Variants in TENM4 observed in about 807,000 individuals in gnomAD.
TENM4 encodes teneurin transmembrane protein 4, also known as teneurin-4.
TENM4 carries 82 observed loss-of-function variants against 243.3 expected under a neutral mutation model. The ratio of observed to expected loss-of-function variants is 0.34; its 90% CI spans 0.28 to 0.40. The LOEUF (loss-of-function observed/expected upper bound fraction) is 0.40. TENM4 is among the 10% of genes least tolerant of loss of function. The pLI is 1.00. For synonymous variants in TENM4, 1,412 were observed against 1,456.3 expected (o/e 0.97, Z 0.69); for missense variants, 3,138 against 3,673.3 (o/e 0.85, Z 3.77).
At chr11:79,375,158 G>A (rs1485568603) in intron 1 of TENM4, among the ~76,000 whole-genome samples, 1 of 152,162 alleles carries the variant, frequency 6.6e-6, no homozygotes, top group Non-Finnish European at 1.5e-5. Flanking sequence ...TTCTAGTGGG[G>A]GCCTCCAATT....
intron 2 of TENM4, among the ~76,000 whole-genome samples, chr11:79,218,355 T>C (rs1217424521): frequency 1.3e-5 from 2 of 151,258 alleles, no homozygotes; most frequent in African/African-American, 2.4e-5. Context: ...TCTCCCCAAA[T>C]GCCAAATGTC....
intron 4 of TENM4, among the ~76,000 whole-genome samples, chr11:79,115,530 A>G (rs376898754): frequency 5.3e-5 from 8 of 152,156 alleles, no homozygotes; most frequent in African/African-American, 1.9e-4. Context: ...GAGTGATCAC[A>G]TCTCCTCCTG....
At chr11:79,040,244 A>T (rs17137649) in intron 6 of TENM4, among the ~76,000 whole-genome samples, 3,630 of 152,252 alleles carry the variant, frequency 0.024, 119 homozygotes, top group African/African-American at 0.064. Flanking sequence ...CATAACATTG[A>T]CCTAAAAGAG....
intron 1 of TENM4, among the ~76,000 whole-genome samples, chr11:79,371,201 G>C (rs1157854673): frequency 6.6e-6 from 1 of 152,254 alleles, no homozygotes; most frequent in Non-Finnish European, 1.5e-5. Flanking sequence ...ATGTCAGTGT[G>C]AGTGCAGATT....
chr11:79,188,694 G>C (rs1863420823), intron 3 of TENM4, among the ~76,000 whole-genome samples: 1 of 151,332 alleles, frequency 6.6e-6, no homozygotes, highest in African/African-American at 2.4e-5. Flanking sequence ...AGAAAAGAGA[G>C]AGAGGAGGGA....
intron 6 of TENM4, among the ~76,000 whole-genome samples, chr11:78,942,595 G>A (rs964707959): frequency 1.3e-5 from 2 of 152,152 alleles, no homozygotes; most frequent in African/African-American, 2.4e-5. Flanking sequence ...AAGGCTGACC[G>A]ACCTCCCACT....
At chr11:78,972,280 C>G (rs893673637) in intron 6 of TENM4, among the ~76,000 whole-genome samples, 1 of 152,136 alleles carries the variant, frequency 6.6e-6, no homozygotes, top group African/African-American at 2.4e-5. Flanking sequence ...GGGTCTTACT[C>G]CCCTGGTCCG....
chr11:78,693,552 C>G (rs1305584549), intron 28 of TENM4, among the ~76,000 whole-genome samples: 1 of 152,136 alleles, frequency 6.6e-6, no homozygotes, highest in Non-Finnish European at 1.5e-5. Context: ...ATTTTCAGGA[C>G]GCTTTGCTTG....
chr11:78,734,498 G>C (rs1267817432), intron 20 of TENM4, among the ~76,000 whole-genome samples: 1 of 145,102 alleles, frequency 6.9e-6, no homozygotes, highest in Non-Finnish European at 1.5e-5. Flanking sequence ...TTTTTAAATT[G>C]AGTGTGGGTC....
chr11:79,011,324 C>A (rs1591205766), intron 6 of TENM4, among the ~76,000 whole-genome samples: 1 of 152,188 alleles, frequency 6.6e-6, no homozygotes, highest in African/African-American at 2.4e-5. Flanking sequence ...GAGTCAGAAT[C>A]ACAGCAGGGA....
At chr11:79,198,803 T>A (rs1317919214) in intron 3 of TENM4, among the ~76,000 whole-genome samples, 1 of 152,164 alleles carries the variant, frequency 6.6e-6, no homozygotes, top group African/African-American at 2.4e-5. Flanking sequence ...GCTTTCCTTC[T>A]GAGTGTGTTG....
At chr11:79,198,391 G>A (rs904325498) in intron 3 of TENM4, among the ~76,000 whole-genome samples, 2 of 152,210 alleles carry the variant, frequency 1.3e-5, no homozygotes, top group South Asian at 4.1e-4. Context: ...GGCCTGGGGA[G>A]GCGCCAGGCC....
chr11:79,331,178 G>A (rs7940486), intron 1 of TENM4, among the ~76,000 whole-genome samples: 26,501 of 152,106 alleles, frequency 0.17, 2,377 homozygotes, highest in Non-Finnish European at 0.19. Flanking sequence ...GCATAATGGC[G>A]ACTGTGTTCC....
chr11:78,658,826 G>A lies in TENM4; in HGVS notation c.7552-10C>T, dbSNP rs746357392. On this transcript the variant is annotated splice_polypyrimidine_tract_variant and intron_variant, in intron 33 of 33. Transcript: ENST00000278550. ...GTACCCCGAGGATAGACTGATGGGG[G>A]AGGAGAGTGAGAGAGAGAGTAAGAC... 1 of 1,603,530 alleles carries A rather than the reference G, an allele frequency of 6.2e-7. No individual in the cohort carries two copies.
chr11:78,803,208 T>C (rs903206086), intron 15 of TENM4, among the ~76,000 whole-genome samples: 1 of 152,090 alleles, frequency 6.6e-6, no homozygotes, highest in African/African-American at 2.4e-5. Context: ...TTTTGTAGTT[T>C]TAGTGGAGAC....
In TENM4 at chr11:78,797,194, A is replaced by G. The variant is rs1484460107; in HGVS notation, c.2179+8098T>C. 2.3e-4 allele frequency among the ~76,000 whole-genome samples: 35 copies of G among 152,234 alleles called. 1 individual carries two copies. The highest frequency in any genetic ancestry group is 2.3e-3 in the Admixed American group (35 of 15,284). ...TCATTGTTTTCTCAGAGTGTCTTTG[A>G]GCAAGTCACGCAAGTTCTCTGGACC... On this transcript the variant is annotated intron_variant, in intron 15 of 33. Transcript: ENST00000278550.
At chr11:78,722,952 C>A in intron 23 of TENM4, 35 bp from the exon 24 acceptor site, 1 of 1,603,178 alleles carries the variant, frequency 6.2e-7, no homozygotes, top group Non-Finnish European at 8.5e-7. Flanking sequence ...GCCTGTGGAG[C>A]AGGAAATGGG....
chr11:79,431,224 T>C (rs1468636962), intron 1 of TENM4, among the ~76,000 whole-genome samples: 1 of 152,236 alleles, frequency 6.6e-6, no homozygotes, highest in Non-Finnish European at 1.5e-5. Context: ...GGTTTAGCAG[T>C]ATAGTGTTTA....
In TENM4 at chr11:78,657,012, G is replaced by A. The variant is rs1857911769; in HGVS notation, c.*1046C>T. Reference sequence around the variant, plus strand: ...TCAGTGGTGGCGGCTGAGTGGTGGAGGGAAGATACTCAAAGTCATAGAGAG... The same window carrying A: ...TCAGTGGTGGCGGCTGAGTGGTGGAAGGAAGATACTCAAAGTCATAGAGAG... On this transcript the variant is annotated 3_prime_UTR_variant, in exon 34 of 34. Coordinates refer to ENST00000278550, the MANE Select transcript of TENM4 (RefSeq NM_001098816.3). 1 of 398,626 alleles carries A rather than the reference G, an allele frequency of 2.5e-6. No homozygotes were observed. 24.7% of individuals were successfully genotyped at this position (398,626 alleles called of 1,614,324 possible).
Sources: gnomAD v4.1 joint callset for allele counts (sites outside exome capture counted in the v4.1 genomes callset) on GRCh38, gnomAD v4.1.1 for gene constraint, MANE v1.5 for transcripts, NCBI Gene and HGNC (gene_info 2026-07-23, HGNC 2026-07-21) for gene names.